DPP10: variants seen among roughly 807,000 people sequenced by gnomAD.
DPP10 encodes the protein dipeptidyl peptidase like 10, also known as inactive dipeptidyl peptidase 10.
In DPP10, 33 loss-of-function variants were observed where a neutral mutation model predicts 120.9. The observed-to-expected ratio is 0.27, with a 90% CI of 0.21 to 0.37. The LOEUF is 0.37. Ranked by LOEUF, DPP10 falls within the 10% of genes least tolerant of loss-of-function variation. DPP10 has a pLI of 1.00. For synonymous variants in DPP10, 337 were observed against 326.1 expected, an observed-to-expected ratio of 1.03 and a Z score of -0.36; for missense variants, 816 against 942.8, an observed-to-expected ratio of 0.87 and a Z score of 1.76.
chr2:114,697,749 C>CAA (rs1205351658), intron 1 of DPP10, among the ~76,000 whole-genome samples: 6,582 of 88,776 alleles, frequency 0.074, 320 homozygotes, highest in African/African-American at 0.15. Context: ...GACTCTGTCT[C>CAA]AAAAAAAAAA....
At chr2:114,572,642 G>C (rs763506231) in intron 1 of DPP10, among the ~76,000 whole-genome samples, 1 of 152,186 alleles carries the variant, frequency 6.6e-6, no homozygotes, top group African/African-American at 2.4e-5. Flanking sequence ...AACCTACAGC[G>C]AATGATAAAG....
rs543465509 is a variant in DPP10 at position 114,860,762 on chromosome 2, C to G, written c.60+417924C>G. 2.0e-5 allele frequency among the ~76,000 whole-genome samples: 3 copies of G among 152,086 alleles called. No homozygotes were observed. In the South Asian group the frequency reaches 6.2e-4, roughly 32 times the overall value. The stretch of plus-strand genomic sequence containing the variant: ...TGCTTCAGCTCACATCTTTATTTTT[C>G]CCTATTGTTTTTACTTTTTGGATGA... On this transcript the variant is annotated intron_variant, in intron 1 of 25. Transcript: ENST00000410059.
chr2:115,117,324 T>C (rs2049568501), intron 1 of DPP10, among the ~76,000 whole-genome samples: 1 of 152,248 alleles, frequency 6.6e-6, no homozygotes. Context: ...CCTGCTACCA[T>C]GATGGTGGAA....
chr2:115,366,226 C>A (rs983715694), intron 3 of DPP10, among the ~76,000 whole-genome samples: 1 of 151,918 alleles, frequency 6.6e-6, no homozygotes, highest in Non-Finnish European at 1.5e-5. Flanking sequence ...TCTAGCACCT[C>A]ATTCCTGAAA....
At chr2:115,491,366 T>C (rs1481195026) in intron 3 of DPP10, among the ~76,000 whole-genome samples, 2 of 152,142 alleles carry the variant, frequency 1.3e-5, no homozygotes, top group Non-Finnish European at 2.9e-5. Context: ...GAAACACGGC[T>C]GGCAGTTAAA....
chr2:115,226,557 C>T lies in DPP10; in HGVS notation c.61-82682C>T, dbSNP rs372381004. The stretch of plus-strand genomic sequence containing the variant: ...TCCACATAGTCAAGTAAAACTTAGC[C>T]GTGAACAAAATCTTTGAACTGTAAT... On this transcript the variant is annotated intron_variant, in intron 1 of 25. Coordinates refer to ENST00000410059, the MANE Select transcript of DPP10 (RefSeq NM_020868.6). Among the ~76,000 whole-genome samples the T allele has an allele frequency of 7.2e-5, 11 of 152,172 alleles. No individual in the cohort carries two copies. In the East Asian group the frequency reaches 1.4e-3, roughly 19 times the overall value.
intron 1 of DPP10, among the ~76,000 whole-genome samples, chr2:115,247,902 G>A (rs2058602750): frequency 1.3e-5 from 2 of 152,102 alleles, no homozygotes; most frequent in East Asian, 3.8e-4. Context: ...TGGCTGTATA[G>A]CCTTCTTATA....
rs143906900 is a variant in DPP10 at position 115,097,588 on chromosome 2, C to T, written c.61-211651C>T. On this transcript the variant is annotated intron_variant, in intron 1 of 25. Coordinates refer to ENST00000410059, the MANE Select transcript of DPP10 (RefSeq NM_020868.6). Reference sequence around the variant, plus strand: ...TTTCTGCCTGTATTTGACAGAAATACGGCATTAATGAAATGTTCAGTTCTT... The same window carrying T: ...TTTCTGCCTGTATTTGACAGAAATATGGCATTAATGAAATGTTCAGTTCTT... Among the ~76,000 whole-genome samples the T allele has an allele frequency of 8.9e-4, 136 of 152,200 alleles. 3 individuals carry two copies. The East Asian group carries it at 0.025, about 27-fold the overall frequency.
chr2:115,221,300 G>A (rs2057142882), intron 1 of DPP10, among the ~76,000 whole-genome samples: 1 of 152,084 alleles, frequency 6.6e-6, no homozygotes, highest in East Asian at 1.9e-4. Flanking sequence ...GGGTAGTGTA[G>A]TCCCCACCTG....
intron 1 of DPP10, among the ~76,000 whole-genome samples, chr2:115,146,966 A>C (rs78698102): frequency 6.6e-6 from 1 of 152,112 alleles, no homozygotes; most frequent in African/African-American, 2.4e-5. Flanking sequence ...TAAGCCACCC[A>C]GTTTATGACA....
At chr2:115,462,982 A>T (rs751329137) in intron 3 of DPP10, among the ~76,000 whole-genome samples, 10 of 152,150 alleles carry the variant, frequency 6.6e-5, no homozygotes, top group Middle Eastern at 3.2e-3. Context: ...TGCTTGTCTC[A>T]GCCTCCGAAA....
At chr2:114,729,652 G>A (rs866383646) in intron 1 of DPP10, among the ~76,000 whole-genome samples, 1 of 152,220 alleles carries the variant, frequency 6.6e-6, no homozygotes, top group South Asian at 2.1e-4. Context: ...GTGAGGTCCA[G>A]AAATGTGGAT....
intron 21 of DPP10, among the ~76,000 whole-genome samples, chr2:115,820,518 T>C (rs1033344236): frequency 2.0e-5 from 3 of 151,990 alleles, no homozygotes; most frequent in Non-Finnish European, 2.9e-5. Flanking sequence ...TTCTGAGATT[T>C]AGGTGCACCC....
At chr2:114,548,272 C>T (rs568600030) in intron 1 of DPP10, among the ~76,000 whole-genome samples, 25 of 152,262 alleles carry the variant, frequency 1.6e-4, no homozygotes, top group African/African-American at 4.6e-4. Flanking sequence ...GAAAGTTCTG[C>T]GGCATTCCTG....
At chr2:115,361,538 C>T (rs536908669) in intron 3 of DPP10, among the ~76,000 whole-genome samples, 2 of 152,094 alleles carry the variant, frequency 1.3e-5, no homozygotes, top group Non-Finnish European at 2.9e-5. Flanking sequence ...CCCCCTCATG[C>T]AAAATCTTCT....
intron 5 of DPP10, among the ~76,000 whole-genome samples, chr2:115,584,832 G>T (rs961284061): frequency 2.6e-5 from 4 of 152,098 alleles, no homozygotes; most frequent in African/African-American, 9.7e-5. Context: ...TGTCATTTTG[G>T]GTTCCAGGTG....
chr2:115,021,596 G>A (rs1056354710), intron 1 of DPP10, among the ~76,000 whole-genome samples: 5 of 152,068 alleles, frequency 3.3e-5, no homozygotes. Context: ...CAGAAGGATT[G>A]GTACCAATGC....
chr2:115,728,137 C>T, intron 8 of DPP10, among the ~76,000 whole-genome samples: 1 of 151,754 alleles, frequency 6.6e-6, no homozygotes, highest in Non-Finnish European at 1.5e-5. Flanking sequence ...TACATGATTC[C>T]ATGTTTGGTG....
At chr2:115,349,592 G>A (rs1426612680) in intron 3 of DPP10, among the ~76,000 whole-genome samples, 4 of 151,970 alleles carry the variant, frequency 2.6e-5, no homozygotes, top group African/African-American at 7.3e-5. Context: ...GCGCTGGGAG[G>A]TCTCATTCTC....
Sources: gnomAD v4.1 joint callset for allele counts (sites outside exome capture counted in the v4.1 genomes callset) on GRCh38, gnomAD v4.1.1 for gene constraint, MANE v1.5 for transcripts, NCBI Gene and HGNC (gene_info 2026-07-23, HGNC 2026-07-21) for gene names.